The following HIVEP3 variants were observed in gnomAD, a reference collection of about 807,000 sequenced individuals.
HIVEP3 encodes the protein HIVEP zinc finger 3.
In HIVEP3, 49 loss-of-function variants were observed where a neutral mutation model predicts 152.8. The ratio of observed to expected loss-of-function variants is 0.32; its 90% CI spans 0.26 to 0.41. HIVEP3 has a LOEUF of 0.41. HIVEP3 is among the 10% of genes least tolerant of loss of function. HIVEP3 has a pLI of 1.00. For synonymous variants in HIVEP3, 1,269 were observed against 1,289.0 expected (o/e 0.98, Z 0.33); for missense variants, 2,790 against 3,103.3 (o/e 0.90, Z 2.40).
At chr1:41,677,937 G>T (rs1645981537) in intron 2 of HIVEP3, among the ~76,000 whole-genome samples, 1 of 152,198 alleles carries the variant, frequency 6.6e-6, no homozygotes, top group Non-Finnish European at 1.5e-5. Context: ...GAACAAAGCT[G>T]AACTTGACCT....
At chr1:41,793,456 G>A (rs183747058) in intron 1 of HIVEP3, among the ~76,000 whole-genome samples, 1 of 152,330 alleles carries the variant, frequency 6.6e-6, no homozygotes, top group Admixed American at 6.5e-5. Context: ...GGGCAGAGAA[G>A]CTGATCCACT....
chr1:41,587,641 C>T (rs1227435450), intron 3 of HIVEP3, among the ~76,000 whole-genome samples: 3 of 152,220 alleles, frequency 2.0e-5, no homozygotes, highest in South Asian at 4.1e-4. Flanking sequence ...ACTAAAGTTA[C>T]ACCGTGATCT....
chr1:42,007,082 A>G (rs1386259777), intron 1 of HIVEP3, among the ~76,000 whole-genome samples: 1 of 152,202 alleles, frequency 6.6e-6, no homozygotes, highest in Non-Finnish European at 1.5e-5. Context: ...TCTGAGTAAT[A>G]AGCACAATTA....
At chr1:41,607,530 C>A (rs1424508966) in intron 3 of HIVEP3, among the ~76,000 whole-genome samples, 1 of 144,388 alleles carries the variant, frequency 6.9e-6, no homozygotes, top group Non-Finnish European at 1.5e-5. Flanking sequence ...GTTAAGGATA[C>A]TACTGATAAT....
At chr1:41,615,190 G>A (rs1167896186) in intron 3 of HIVEP3, among the ~76,000 whole-genome samples, 1 of 152,120 alleles carries the variant, frequency 6.6e-6, no homozygotes, top group Non-Finnish European at 1.5e-5. Context: ...TAAGCAATAG[G>A]GACCACAGGA....
At chr1:41,687,872 A>C (rs1646136751) in intron 2 of HIVEP3, among the ~76,000 whole-genome samples, 1 of 152,242 alleles carries the variant, frequency 6.6e-6, no homozygotes, top group Non-Finnish European at 1.5e-5. Context: ...TGAACATGAG[A>C]TATGTACTCA....
chr1:41,694,849 A>G (rs1646248716), intron 2 of HIVEP3, among the ~76,000 whole-genome samples: 1 of 152,200 alleles, frequency 6.6e-6, no homozygotes, highest in Non-Finnish European at 1.5e-5. Flanking sequence ...GAGGAAACTG[A>G]GTCTCAGAGA....
At chr1:41,955,883 C>T (rs192537664) in intron 1 of HIVEP3, among the ~76,000 whole-genome samples, 9 of 152,250 alleles carry the variant, frequency 5.9e-5, no homozygotes, top group Admixed American at 3.9e-4. Context: ...AAAGGGCCTC[C>T]GGGACTTAAG....
rs1203446998 is a variant in HIVEP3 at position 41,511,869 on chromosome 1, C to G, written c.6406-603G>C. On this transcript the variant is annotated intron_variant, in intron 8 of 8. Transcript: ENST00000372583. The surrounding 1 kb of genome is among the most constrained non-coding windows in gnomAD (Gnocchi z 4.9). ...GGAGGGGTCATGGCAGCTGAGGGGACAGGGATGGTGACTGTGCTCATGGGG... is the reference window on the plus strand; with the variant it reads ...GGAGGGGTCATGGCAGCTGAGGGGAGAGGGATGGTGACTGTGCTCATGGGG... 6.6e-6 allele frequency among the ~76,000 whole-genome samples: 1 copy of G among 151,978 alleles called. No homozygotes were observed. Among genetic ancestry groups the G allele is most frequent in the African/African-American group, 2.4e-5 (1 of 41,344 alleles).
intron 1 of HIVEP3, among the ~76,000 whole-genome samples, chr1:41,887,804 T>C (rs1472228994): frequency 2.0e-5 from 3 of 152,216 alleles, no homozygotes; most frequent in South Asian, 2.1e-4. Flanking sequence ...TTGATTCTTC[T>C]GGGTGTCACA....
chr1:41,835,140 G>T (rs1202254184), intron 1 of HIVEP3, among the ~76,000 whole-genome samples: 1 of 152,242 alleles, frequency 6.6e-6, no homozygotes, highest in Non-Finnish European at 1.5e-5. Flanking sequence ...GTACATTAAA[G>T]AAACCCTAAG....
At chr1:41,847,408 A>C (rs1212842114) in intron 1 of HIVEP3, 1 of 152,220 alleles carries the variant, frequency 6.6e-6, no homozygotes, top group Non-Finnish European at 1.5e-5. Flanking sequence ...ACTATACATG[A>C]TATTGTGACA....
intron 1 of HIVEP3, among the ~76,000 whole-genome samples, chr1:41,752,996 A>G (rs1647189743): frequency 6.6e-6 from 1 of 152,184 alleles, no homozygotes; most frequent in Non-Finnish European, 1.5e-5. Flanking sequence ...GGTTTTATTG[A>G]GCGTGTTTAC....
At chr1:41,841,621 C>T (rs1189472117) in intron 1 of HIVEP3, among the ~76,000 whole-genome samples, 1 of 152,144 alleles carries the variant, frequency 6.6e-6, no homozygotes, top group Non-Finnish European at 1.5e-5. Flanking sequence ...AAAGACATGC[C>T]CAAAACCGCT....
intron 1 of HIVEP3, among the ~76,000 whole-genome samples, chr1:41,904,701 T>C (rs1230413801): frequency 6.6e-6 from 1 of 152,202 alleles, no homozygotes; most frequent in Non-Finnish European, 1.5e-5. Flanking sequence ...CAATTGTGCA[T>C]TTTGATTTCT....
At chr1:41,612,986 G>T (rs528710860) in intron 3 of HIVEP3, among the ~76,000 whole-genome samples, 1 of 152,346 alleles carries the variant, frequency 6.6e-6, no homozygotes, top group South Asian at 2.1e-4. Context: ...CTGGCAGGGT[G>T]AATGCAGCAC....
upstream of HIVEP3, among the ~76,000 whole-genome samples, chr1:41,920,974 T>G (rs962142486): frequency 6.6e-6 from 1 of 152,150 alleles, no homozygotes; most frequent in Admixed American, 6.5e-5. Flanking sequence ...TCAGTAAAAG[T>G]TTTTCTCAAC....
At chr1:41,956,474 T>G (rs1645141125) in intron 1 of HIVEP3, among the ~76,000 whole-genome samples, 1 of 152,240 alleles carries the variant, frequency 6.6e-6, no homozygotes. Flanking sequence ...CACCTAGGAA[T>G]CTATTCCAAG....
rs1644486506 is a variant in HIVEP3 at position 41,585,231 on chromosome 1, T to C, written c.-434A>G. On this transcript the variant is annotated 5_prime_UTR_variant, in exon 4 of 9. Transcript: ENST00000372583. ...TCATCCCTGGTCCTGGCACAAGAGA[T>C]GCCACGCTGGATGCTGGGGGTGGCT... 2.5e-6 allele frequency: 1 copy of C among 399,164 alleles called. No individual in the cohort carries two copies. The highest frequency in any genetic ancestry group is 3.6e-5 in the East Asian group (1 of 28,070). The allele number at this position is 399,164 out of a possible 1,614,324, so 24.7% of individuals were successfully genotyped here. A position where few individuals can be genotyped will look rare whatever the true frequency, so the allele number is the denominator to read the frequency against.
Sources: allele counts gnomAD v4.1 joint callset (sites outside exome capture counted in the v4.1 genomes callset), GRCh38; gene constraint gnomAD v4.1.1; non-coding constraint Gnocchi (gnomAD v3.1); transcripts MANE v1.5; gene names NCBI Gene and HGNC (gene_info 2026-07-23, HGNC 2026-07-21).